SARDH: variants seen among roughly 807,000 people sequenced by gnomAD.
The protein encoded by SARDH is sarcosine dehydrogenase, mitochondrial.
Under a neutral mutation model 109.1 loss-of-function variants are expected in SARDH, and 95 were observed. That is an observed-to-expected ratio of 0.87 (90% CI 0.74 to 1.03). The LOEUF is 1.03. SARDH is among the 50% of genes least tolerant of loss of function. SARDH has a pLI of 0.00. For missense variants in SARDH, 1,267 were observed against 1,287.8 expected, an observed-to-expected ratio of 0.98 and a Z score of 0.25; for synonymous variants, 572 against 534.8, an observed-to-expected ratio of 1.07 and a Z score of -0.96.
At chr9:133,685,150 G>T in intron 17 of SARDH, 43 bp downstream of exon 17, 1 of 1,551,332 alleles carries the variant, frequency 6.4e-7, no homozygotes, top group Non-Finnish European at 8.9e-7. Context: ...CTCACACCAT[G>T]CTGCCACCCA....
chr9:133,675,724 G>C (rs1482260704), intron 17 of SARDH, among the ~76,000 whole-genome samples: 3 of 152,208 alleles, frequency 2.0e-5, no homozygotes, highest in Non-Finnish European at 4.4e-5. Context: ...ATTCGAAGAG[G>C]TATTTGCACA....
chr9:133,735,339 C>T (rs185448979), intron 1 of SARDH, among the ~76,000 whole-genome samples: 4 of 152,334 alleles, frequency 2.6e-5, no homozygotes, highest in African/African-American at 9.6e-5. Context: ...CTCCCCTCTG[C>T]TCCTTCCCAG....
intron 10 of SARDH, among the ~76,000 whole-genome samples, chr9:133,711,123 G>A (rs554324204): frequency 1.4e-4 from 21 of 152,370 alleles, no homozygotes; most frequent in Admixed American, 2.6e-4. Context: ...GCCAGGGGTC[G>A]CCTCAGGGCC....
intron 13 of SARDH, among the ~76,000 whole-genome samples, chr9:133,699,885 A>G (rs1232146249): frequency 1.3e-5 from 2 of 152,268 alleles, no homozygotes; most frequent in Non-Finnish European, 2.9e-5. Flanking sequence ...AAATTATAAC[A>G]TACATGCATA....
chr9:133,689,265 T>G (rs973884994), intron 16 of SARDH, among the ~76,000 whole-genome samples: 3 of 136,292 alleles, frequency 2.2e-5, no homozygotes, highest in Admixed American at 8.0e-5. Flanking sequence ...AGATCACCCC[T>G]TTGATATCCT....
In SARDH at chr9:133,713,107, G is replaced by A. The variant is rs1831990635; in HGVS notation, c.1168C>T (p.His390Tyr). 3 of 1,613,326 alleles carry A rather than the reference G, an allele frequency of 1.9e-6. No individual in the cohort carries two copies. In the East Asian group the frequency reaches 6.7e-5, roughly 36 times the overall value. The change falls in exon 9 of 21, where the codon CAC becomes TAC. Residue 390 changes from histidine (H) to tyrosine (Y), a missense_variant. Transcript: ENST00000439388. ...GGTGCCTCCCCCATCAGGGGCTTGTGGTCGGGCGTGAAGGATTCTGAAAGA... is the reference window on the plus strand; with the variant it reads ...GGTGCCTCCCCCATCAGGGGCTTGTAGTCGGGCGTGAAGGATTCTGAAAGA... ...VCGPESFTPDHKPLMGEAPEL... is the reference protein window; with the variant it reads ...VCGPESFTPDYKPLMGEAPEL...
At position 133,676,772 on chromosome 9, in the gene SARDH, T is replaced by C. The variant is rs547741288; in HGVS notation, c.2164-5075A>G. 7.2e-5 allele frequency among the ~76,000 whole-genome samples: 11 copies of C among 152,214 alleles called. No individual in the cohort carries two copies. In the South Asian group the frequency reaches 2.1e-3, roughly 29 times the overall value. ...ATGTTCCAGAAGTGAAGATGGTCGG[T>C]CATGAGCAGTCAGACTGCAGAAAGC... On this transcript the variant is annotated intron_variant, in intron 17 of 20. Transcript: ENST00000439388.
intron 6 of SARDH, among the ~76,000 whole-genome samples, chr9:133,722,656 T>A (rs1384891098): frequency 3.1e-5 from 3 of 97,966 alleles, no homozygotes; most frequent in African/African-American, 7.3e-5. Flanking sequence ...TCTCTCTCTC[T>A]CTCTCTCTCT....
intron 1 of SARDH, among the ~76,000 whole-genome samples, chr9:133,734,424 T>TCATTCATTCAC (rs1564304300): frequency 2.1e-5 from 3 of 140,146 alleles, no homozygotes; most frequent in Admixed American, 7.0e-5. Flanking sequence ...CATTCATTCA[T>TCATTCATTCAC]TCACTCATTC....
chr9:133,712,963 G>C lies in SARDH; in HGVS notation c.1237+75C>G, dbSNP rs1246380761. ...CTGTCGGGGGCCACGGTGCTCCTGC[G>C]CCCGCCTCCCCCAGAGCTCTGGGAA... On this transcript the variant is annotated intron_variant, in intron 9 of 20. Transcript: ENST00000439388. This position sits in a 1 kb window ranked among gnomAD's most constrained non-coding sequence, Gnocchi z 4.1. 7.0e-7 allele frequency: 1 copy of C among 1,429,626 alleles called. No individual in the cohort carries two copies. Among genetic ancestry groups the C allele is most frequent in the African/African-American group, 1.4e-5 (1 of 71,080 alleles). 88.6% of individuals were successfully genotyped at this position (1,429,626 alleles called of 1,614,324 possible).
chr9:133,696,008 A>C (rs1015481603), intron 14 of SARDH, among the ~76,000 whole-genome samples: 11 of 151,736 alleles, frequency 7.2e-5, no homozygotes, highest in Non-Finnish European at 1.6e-4. Flanking sequence ...GAGGAGAAGG[A>C]AGGCAGGAGG....
Position 133,666,583 on chromosome 9 carries a change from C to T in SARDH, c.2631+152G>A, listed in dbSNP as rs999104658. Reference sequence around the variant, plus strand: ...CCTCCTTCCTTCCTCCCCCTCTTCCCTCCTCCCTCCTTTCTCTTCCCTCCT... The same window carrying T: ...CCTCCTTCCTTCCTCCCCCTCTTCCTTCCTCCCTCCTTTCTCTTCCCTCCT... On this transcript the variant is annotated intron_variant, in intron 20 of 20. Coordinates refer to ENST00000439388, the MANE Select transcript of SARDH (RefSeq NM_001134707.2). The surrounding 1 kb of genome is among the most constrained non-coding windows in gnomAD (Gnocchi z 5.2). 4.6e-5 allele frequency: 48 copies of T among 1,032,556 alleles called. No individual in the cohort carries two copies. Among genetic ancestry groups the T allele is most frequent in the South Asian group, 7.1e-5 (4 of 56,028 alleles). 64.0% of individuals were successfully genotyped at this position (1,032,556 alleles called of 1,614,324 possible). A position where few individuals can be genotyped will look rare whatever the true frequency, so the allele number is the denominator to read the frequency against.
At chr9:133,710,473 C>T (rs1344105561) in intron 10 of SARDH, among the ~76,000 whole-genome samples, 1 of 152,228 alleles carries the variant, frequency 6.6e-6, no homozygotes, top group African/African-American at 2.4e-5. Context: ...GCTGCCTGGT[C>T]TCCCGGGACG....
At chr9:133,729,642 G>A (rs1832604787) in intron 6 of SARDH, 123 bp downstream of exon 6, 3 of 733,076 alleles carry the variant, frequency 4.1e-6, no homozygotes, top group South Asian at 1.7e-5. Context: ...CAGATGAGGT[G>A]ACTGAGGCTT....
rs1830415061 is a variant in SARDH, at chr9:133,673,378, TAGG to T, written c.2164-1684_2164-1682del. Among the ~76,000 whole-genome samples, 3 of 152,316 alleles carry T rather than the reference TAGG, an allele frequency of 2.0e-5. No homozygotes were observed. In the South Asian group the frequency reaches 6.2e-4, roughly 32 times the overall value. ...AGCTCACAAAAGGAATGGGGAGAGCTAGGCTGACTGCAGGATCCCAGACAGCGG... is the reference window on the plus strand; with the variant it reads ...AGCTCACAAAAGGAATGGGGAGAGCTCTGACTGCAGGATCCCAGACAGCGG... On this transcript the variant is annotated intron_variant, in intron 17 of 20. Coordinates refer to ENST00000439388, the MANE Select transcript of SARDH (RefSeq NM_001134707.2).
chr9:133,687,567 C>A (rs1186409367), intron 16 of SARDH, among the ~76,000 whole-genome samples: 6 of 152,112 alleles, frequency 3.9e-5, no homozygotes, highest in Non-Finnish European at 7.4e-5. Flanking sequence ...AGGCATGAGC[C>A]ACCGAGCCCA....
At chr9:133,734,380 CTCAT>C (rs774065078) in intron 1 of SARDH, among the ~76,000 whole-genome samples, 177 bp from the exon 2 acceptor site, 80 of 149,614 alleles carry the variant, frequency 5.3e-4, no homozygotes, top group Admixed American at 7.2e-4. Flanking sequence ...CATTCATTCA[CTCAT>C]TCATTCATTC....
At position 133,693,759 on chromosome 9, in the gene SARDH, G is replaced by A. The variant is rs1831184343; in HGVS notation, c.1921+499C>T. Among the ~76,000 whole-genome samples, 1 of 152,176 alleles carries A rather than the reference G, an allele frequency of 6.6e-6. No individual in the cohort carries two copies. Among genetic ancestry groups the A allele is most frequent in the African/African-American group, 2.4e-5 (1 of 41,428 alleles). The stretch of plus-strand genomic sequence containing the variant: ...AAGGTACTGAGCTACCTGTCCCTGA[G>A]GGTATGCAAGCAGACATGGTGGGAC... On this transcript the variant is annotated intron_variant, in intron 15 of 20. Transcript: ENST00000439388. This position sits in a 1 kb window ranked among gnomAD's most constrained non-coding sequence, Gnocchi z 5.6.
Position 133,732,441 on chromosome 9 carries a change from C to G in SARDH, c.492G>C (p.Glu164Asp). 5 of 1,390,246 alleles carry G rather than the reference C, an allele frequency of 3.6e-6. No homozygotes were observed. Among genetic ancestry groups the G allele is most frequent in the Non-Finnish European group, 3.9e-6 (4 of 1,038,346 alleles). 86.1% of individuals were successfully genotyped at this position (1,390,246 alleles called of 1,614,324 possible). The part of the protein sequence containing the change: ...FIASNRQRLD[E>D]YKRLMSLGKA... ...CACACACCGACATGAGCCTCTTGTA[C>G]TCGTCCAGGCGCTGCCGGTTGGACG... is the stretch of plus-strand genomic sequence containing the variant. Residue 164 changes from glutamate to aspartate, a missense_variant, in exon 3 of 21, where the codon GAG (glutamate) becomes GAC (aspartate). Glu to Asp is a conservative substitution (Grantham distance 45, BLOSUM62 2). Transcript: ENST00000439388.
Sources: allele counts gnomAD v4.1 joint callset (sites outside exome capture counted in the v4.1 genomes callset), GRCh38; gene constraint gnomAD v4.1.1; non-coding constraint Gnocchi (gnomAD v3.1); transcripts MANE v1.5; gene names NCBI Gene and HGNC (gene_info 2026-07-23, HGNC 2026-07-21).